The following PIK3C2G variants were observed in gnomAD, a reference collection of about 807,000 sequenced individuals.
PIK3C2G encodes phosphatidylinositol 3-kinase C2 domain-containing subunit gamma.
Under a neutral mutation model 181.1 loss-of-function variants are expected in PIK3C2G, and 168 were observed. The observed-to-expected ratio is 0.93, with a 90% CI of 0.82 to 1.05. PIK3C2G has a LOEUF of 1.05. Ranked by LOEUF, PIK3C2G falls within the 50% of genes least tolerant of loss-of-function variation. The probability of loss-of-function intolerance (pLI) is 0.00; values close to 1 mark genes in which losing one functional copy is unlikely to be tolerated. For missense variants in PIK3C2G, 1,869 were observed against 1,732.8 expected, an observed-to-expected ratio of 1.08 and a Z score of -1.40; for synonymous variants, 573 against 592.2, an observed-to-expected ratio of 0.97 and a Z score of 0.47.
upstream of PIK3C2G, among the ~76,000 whole-genome samples, chr12:18,259,704 C>T (rs1403745440): frequency 2.6e-5 from 4 of 151,864 alleles, no homozygotes. Flanking sequence ...ACAAAATAAC[C>T]TAATTAATGT....
intron 1 of PIK3C2G, among the ~76,000 whole-genome samples, chr12:18,248,264 T>C (rs1278303677): frequency 6.6e-6 from 1 of 152,170 alleles, no homozygotes; most frequent in Non-Finnish European, 1.5e-5. Flanking sequence ...CCTATTAACA[T>C]GGGTAGTATT....
intron 19 of PIK3C2G, among the ~76,000 whole-genome samples, chr12:18,491,008 A>AT (rs925614364): frequency 5.3e-5 from 8 of 151,660 alleles, no homozygotes; most frequent in South Asian, 2.1e-4. Context: ...ACTGTACGTA[A>AT]TTTTTTTTTG....
chr12:18,478,840 C>A (rs190543954), intron 18 of PIK3C2G, among the ~76,000 whole-genome samples: 1 of 151,620 alleles, frequency 6.6e-6, no homozygotes, highest in Non-Finnish European at 1.5e-5. Context: ...CCAGACGTGG[C>A]GGCGCAAGCC....
At position 18,291,018 on chromosome 12, in the gene PIK3C2G, C is replaced by G; in HGVS notation, c.919+6C>G. 6.3e-7 allele frequency: 1 copy of G among 1,578,504 alleles called. No individual in the cohort carries two copies. Among genetic ancestry groups the G allele is most frequent in the East Asian group, 2.2e-5 (1 of 44,646 alleles). The stretch of plus-strand genomic sequence containing the variant: ...TCTTCATTTTATGCCATGTGGTAAG[C>G]AACCTTGCAAATAAGTCTACAAATC... On this transcript the variant is annotated splice_donor_region_variant and intron_variant, in intron 4 of 32. Coordinates refer to ENST00000538779, the MANE Select transcript of PIK3C2G (RefSeq NM_001288772.2).
chr12:18,650,643 A>G (rs1326217406), downstream of PIK3C2G, among the ~76,000 whole-genome samples: 1 of 123,072 alleles, frequency 8.1e-6, no homozygotes, highest in African/African-American at 3.0e-5. Context: ...AATACCTATT[A>G]TTTACATAAC....
chr12:18,361,051 T>C (rs1456109633), intron 11 of PIK3C2G, among the ~76,000 whole-genome samples: 1 of 152,136 alleles, frequency 6.6e-6, no homozygotes, highest in Non-Finnish European at 1.5e-5. Context: ...TTATTCTCTT[T>C]GGCTTTCTTC....
the PIK3C2G span, among the ~76,000 whole-genome samples, chr12:18,687,296 C>A: frequency 6.6e-6 from 1 of 152,114 alleles, no homozygotes; most frequent in South Asian, 2.1e-4. Context: ...ACTGTGCCTG[C>A]TACTCTGTCA....
chr12:18,373,590 C>T (rs1001192259), intron 13 of PIK3C2G, among the ~76,000 whole-genome samples: 2 of 152,132 alleles, frequency 1.3e-5, no homozygotes, highest in African/African-American at 4.8e-5. Flanking sequence ...TGGCTCACGC[C>T]TGTAATCCCA....
intron 26 of PIK3C2G, among the ~76,000 whole-genome samples, chr12:18,559,817 TATATAGAGAGAGAGAGAGAGAGAGAGAG>T (rs1394177990): frequency 2.7e-4 from 6 of 22,176 alleles, no homozygotes; most frequent in Non-Finnish European, 5.2e-4. Flanking sequence ...TATATATATA[TATATAGAGAGAGAGAGAGAGAGAGAGAG>T]AGAGAGAGAG....
At chr12:18,372,074 AT>A (rs923037011) in intron 13 of PIK3C2G, among the ~76,000 whole-genome samples, 3 of 152,126 alleles carry the variant, frequency 2.0e-5, no homozygotes, top group East Asian at 1.9e-4. Context: ...ATACAAAAAT[AT>A]TTTTTTAATT....
At chr12:18,723,570 C>T in the PIK3C2G span, 6 of 1,516,762 alleles carry the variant, frequency 4.0e-6, no homozygotes, top group Non-Finnish European at 5.5e-6. Flanking sequence ...GGTGGGCTCA[C>T]ATTGTGAGTA....
chr12:18,375,042 C>T (rs777889072), intron 13 of PIK3C2G, among the ~76,000 whole-genome samples: 8 of 152,176 alleles, frequency 5.3e-5, no homozygotes, highest in Non-Finnish European at 1.0e-4. Flanking sequence ...CAAGAATGGC[C>T]TAACCCAGAA....
intron 5 of PIK3C2G, among the ~76,000 whole-genome samples, chr12:18,310,796 C>T (rs564047824): frequency 6.6e-6 from 1 of 151,630 alleles, no homozygotes; most frequent in Admixed American, 6.6e-5. Context: ...TAATATAAAC[C>T]AAAAATAATA....
chr12:18,532,948 C>T (rs1943639807), intron 24 of PIK3C2G, among the ~76,000 whole-genome samples: 1 of 148,570 alleles, frequency 6.7e-6, no homozygotes, highest in Non-Finnish European at 1.5e-5. Context: ...TTTTGAATTG[C>T]CTGCTTTAGC....
At chr12:18,387,838 T>G (rs1480811011) in intron 14 of PIK3C2G, among the ~76,000 whole-genome samples, 1 of 152,212 alleles carries the variant, frequency 6.6e-6, no homozygotes, top group Non-Finnish European at 1.5e-5. Flanking sequence ...ATATTTCTGA[T>G]GACTACAAAA....
At chr12:18,292,210 CAA>C (rs745371375) in intron 4 of PIK3C2G, among the ~76,000 whole-genome samples, 45 of 28,584 alleles carry the variant, frequency 1.6e-3, no homozygotes, top group South Asian at 3.7e-3. Context: ...AACTCCATCT[CAA>C]AAAAAAAAAA....
the PIK3C2G span, among the ~76,000 whole-genome samples, chr12:18,676,008 T>C: frequency 7.5e-4 from 92 of 122,426 alleles, no homozygotes; most frequent in African/African-American, 2.1e-3. Flanking sequence ...TCTGAATCTA[T>C]TTAAAAAAAA....
At chr12:18,508,240 A>G (rs564158048) in intron 24 of PIK3C2G, among the ~76,000 whole-genome samples, 1 of 152,298 alleles carries the variant, frequency 6.6e-6, no homozygotes, top group South Asian at 2.1e-4. Flanking sequence ...GCTCATTGGC[A>G]GTGTCTCCTT....
chr12:18,259,932 T>C (rs1304257782), upstream of PIK3C2G, among the ~76,000 whole-genome samples: 1 of 152,134 alleles, frequency 6.6e-6, no homozygotes, highest in Non-Finnish European at 1.5e-5. Flanking sequence ...AGCTTAATTG[T>C]TCTCTGGATT....
Sources: allele counts gnomAD v4.1 joint callset (sites outside exome capture counted in the v4.1 genomes callset), GRCh38; gene constraint gnomAD v4.1.1; transcripts MANE v1.5; gene names NCBI Gene and HGNC (gene_info 2026-07-23, HGNC 2026-07-21).